The following RSU1 variants were observed in gnomAD, a reference collection of about 807,000 sequenced individuals.
The protein encoded by RSU1 is rsu-1.
Under a neutral mutation model 31.1 loss-of-function variants are expected in RSU1, and 26 were observed. The observed-to-expected ratio is 0.84, with a 90% CI of 0.61 to 1.16. The LOEUF (loss-of-function observed/expected upper bound fraction) is 1.16. RSU1 is among the 50% of genes most tolerant of loss of function. The probability of loss-of-function intolerance (pLI) is 0.00; values close to 1 mark genes in which losing one functional copy is unlikely to be tolerated. For synonymous variants in RSU1, 164 were observed against 136.3 expected, an observed-to-expected ratio of 1.20 and a Z score of -1.41; for missense variants, 320 against 339.1, an observed-to-expected ratio of 0.94 and a Z score of 0.44.
At chr10:16,733,333 T>TAAA (rs569239845) in intron 7 of RSU1, among the ~76,000 whole-genome samples, 11 of 79,608 alleles carry the variant, frequency 1.4e-4, no homozygotes, top group African/African-American at 4.5e-4. Context: ...TCTACGACAA[T>TAAA]AAAAAAAAAA....
At chr10:16,658,521 C>T (rs1834830371) in intron 8 of RSU1, among the ~76,000 whole-genome samples, 2 of 152,034 alleles carry the variant, frequency 1.3e-5, no homozygotes, top group Non-Finnish European at 2.9e-5. Context: ...ATCAGGAGTT[C>T]GAGACCAGCC....
chr10:16,805,465 A>G (rs574714692), intron 2 of RSU1, among the ~76,000 whole-genome samples: 16 of 151,742 alleles, frequency 1.1e-4, no homozygotes, highest in Non-Finnish European at 2.1e-4. Flanking sequence ...ACGTGAGGAG[A>G]TCGAGACCAT....
chr10:16,776,174 G>A (rs914972601), intron 3 of RSU1, among the ~76,000 whole-genome samples: 1 of 152,128 alleles, frequency 6.6e-6, no homozygotes, highest in African/African-American at 2.4e-5. Flanking sequence ...AATCTATTAT[G>A]TCTGCATAAA....
chr10:16,812,627 ATT>A (rs1838432607), intron 2 of RSU1, among the ~76,000 whole-genome samples: 1 of 152,024 alleles, frequency 6.6e-6, no homozygotes, highest in Admixed American at 6.6e-5. Context: ...TTTGTTTATT[ATT>A]TTGCCTGGTC....
At chr10:16,709,723 G>C (rs1460789061) in intron 7 of RSU1, among the ~76,000 whole-genome samples, 1 of 152,176 alleles carries the variant, frequency 6.6e-6, no homozygotes, top group Non-Finnish European at 1.5e-5. Flanking sequence ...TTGTGGTTTT[G>C]ATTTGCATTT....
At chr10:16,720,692 T>C (rs1836239001) in intron 7 of RSU1, among the ~76,000 whole-genome samples, 1 of 152,264 alleles carries the variant, frequency 6.6e-6, no homozygotes, top group Non-Finnish European at 1.5e-5. Flanking sequence ...CTTGTGTGTA[T>C]GTGCATATGT....
At chr10:16,605,247 C>G (rs1833782984) in intron 8 of RSU1, among the ~76,000 whole-genome samples, 1 of 152,116 alleles carries the variant, frequency 6.6e-6, no homozygotes, top group Admixed American at 6.5e-5. Context: ...CCCACACTTT[C>G]TATCTTTGAC....
intron 8 of RSU1, among the ~76,000 whole-genome samples, chr10:16,597,823 G>A (rs554124149): frequency 1.3e-5 from 2 of 152,332 alleles, no homozygotes; most frequent in South Asian, 2.1e-4. Flanking sequence ...TAAATGCATG[G>A]CCCACTTCCT....
Position 16,720,817 on chromosome 10 carries a change from G to A in RSU1, c.599-25662C>T, listed in dbSNP as rs191113966. ...CCTGGGCACCATGGCGAAACCCCACGTCTACAAAAAATACAGTCATTAGCT... is the reference window on the plus strand; with the variant it reads ...CCTGGGCACCATGGCGAAACCCCACATCTACAAAAAATACAGTCATTAGCT... On this transcript the variant is annotated intron_variant, in intron 7 of 8. Transcript: ENST00000345264. 5.9e-5 allele frequency among the ~76,000 whole-genome samples: 9 copies of A among 152,082 alleles called. No individual in the cohort carries two copies. The South Asian group carries it at 8.3e-4, about 14-fold the overall frequency.
At chr10:16,735,661 T>C (rs1836610726) in intron 7 of RSU1, among the ~76,000 whole-genome samples, 1 of 152,138 alleles carries the variant, frequency 6.6e-6, no homozygotes, top group South Asian at 2.1e-4. Flanking sequence ...CTTACAATCA[T>C]GGCAGAGGGG....
At chr10:16,708,294 T>C (rs1404551556) in intron 7 of RSU1, among the ~76,000 whole-genome samples, 1 of 152,160 alleles carries the variant, frequency 6.6e-6, no homozygotes, top group African/African-American at 2.4e-5. Context: ...AAGAAAAACA[T>C]AAGGAAGAGT....
chr10:16,715,714 G>C (rs1426580619), intron 7 of RSU1, among the ~76,000 whole-genome samples: 1 of 152,188 alleles, frequency 6.6e-6, no homozygotes, highest in Admixed American at 6.5e-5. Flanking sequence ...TGGAACTGTA[G>C]CAAGTTTGAA....
At chr10:16,609,101 C>T (rs2131466260) in intron 8 of RSU1, among the ~76,000 whole-genome samples, 1 of 152,328 alleles carries the variant, frequency 6.6e-6, no homozygotes, top group East Asian at 1.9e-4. Context: ...AGACCTCCTC[C>T]TCCTCAGACC....
chr10:16,693,944 T>C (rs1192304565), intron 8 of RSU1, among the ~76,000 whole-genome samples: 2 of 152,122 alleles, frequency 1.3e-5, no homozygotes, highest in African/African-American at 4.8e-5. Context: ...TGAGTAGGGA[T>C]GTTTTTGTCT....
At chr10:16,795,652 T>A (rs1838015135) in intron 2 of RSU1, among the ~76,000 whole-genome samples, 1 of 152,326 alleles carries the variant, frequency 6.6e-6, no homozygotes, top group South Asian at 2.1e-4. Flanking sequence ...ACTGTCTTAC[T>A]GGCTAAACAA....
chr10:16,649,462 C>T (rs1834639711), intron 8 of RSU1, among the ~76,000 whole-genome samples: 1 of 152,108 alleles, frequency 6.6e-6, no homozygotes, highest in Non-Finnish European at 1.5e-5. Flanking sequence ...TACTCGAAAT[C>T]AGACTACTAA....
chr10:16,698,929 T>C (rs1835733933), intron 7 of RSU1, among the ~76,000 whole-genome samples: 1 of 152,160 alleles, frequency 6.6e-6, no homozygotes, highest in Admixed American at 6.5e-5. Context: ...TACTTCAGTA[T>C]CAAGCAATGC....
chr10:16,683,724 T>C (rs945744213), intron 8 of RSU1, among the ~76,000 whole-genome samples: 31 of 152,308 alleles, frequency 2.0e-4, no homozygotes, highest in African/African-American at 7.2e-4. Context: ...CCTGAGAACA[T>C]ATGTCCAAGG....
rs1460727391 is a variant in RSU1, at chr10:16,591,282, A to G, written c.*2112T>C. ...CCGTAATTCATTGAACCCCTTTTCCACTGACAGGGATCAGGCTTTTCTCTG... is the reference window on the plus strand; with the variant it reads ...CCGTAATTCATTGAACCCCTTTTCCGCTGACAGGGATCAGGCTTTTCTCTG... On this transcript the variant is annotated 3_prime_UTR_variant, in exon 9 of 9. Coordinates refer to ENST00000345264, the MANE Select transcript of RSU1 (RefSeq NM_012425.4). The G allele has an allele frequency of 6.6e-6, 1 of 152,072 alleles. No homozygotes were observed. Among genetic ancestry groups the G allele is most frequent in the Admixed American group, 6.6e-5 (1 of 15,250 alleles). 9.4% of individuals were successfully genotyped at this position (152,072 alleles called of 1,614,324 possible). A position where few individuals can be genotyped will look rare whatever the true frequency, so the allele number is the denominator to read the frequency against.
Sources: allele counts gnomAD v4.1 joint callset (sites outside exome capture counted in the v4.1 genomes callset), GRCh38; gene constraint gnomAD v4.1.1; transcripts MANE v1.5; gene names NCBI Gene and HGNC (gene_info 2026-07-23, HGNC 2026-07-21).